P3H2: variants seen among roughly 807,000 people sequenced by gnomAD.
P3H2 encodes leprecan-like 1.
A neutral mutation model predicts 87.0 loss-of-function variants in P3H2; 80 were observed. The observed-to-expected ratio is 0.92, with a 90% CI of 0.77 to 1.11. The LOEUF (loss-of-function observed/expected upper bound fraction) is 1.11. Ranked by LOEUF, P3H2 falls within the 50% of genes least tolerant of loss-of-function variation. The pLI is 0.00. For synonymous variants in P3H2, 367 were observed against 359.3 expected (o/e 1.02, Z -0.24); for missense variants, 1,001 against 923.9 (o/e 1.08, Z -1.08).
chr3:190,002,399 T>C (rs1724243719), intron 1 of P3H2, among the ~76,000 whole-genome samples: 1 of 151,474 alleles, frequency 6.6e-6, no homozygotes, highest in Non-Finnish European at 1.5e-5. Flanking sequence ...TCTTTCTTTT[T>C]TCTTTTCTTT....
Position 190,095,303 on chromosome 3 carries a change from CATATATATATATATATAT to C in P3H2, c.480+24931_480+24948del, listed in dbSNP as rs57074960. Among the ~76,000 whole-genome samples the C allele has an allele frequency of 2.4e-3, 119 of 49,452 alleles. 1 individual carries two copies. The highest frequency in any genetic ancestry group is 3.7e-3 in the African/African-American group (41 of 11,142). 32.4% of individuals were successfully genotyped at this position (49,452 alleles called of 152,430 possible). On this transcript the variant is annotated intron_variant, in intron 1 of 14. Transcript: ENST00000319332. Reference sequence around the variant, plus strand: ...GTCTCAAAGACAAATTGTCTCAAAACATATATATATATATATATATATATATATATATATATATATATA... The same window carrying C: ...GTCTCAAAGACAAATTGTCTCAAAACATATATATATATATATATATATATA...
intron 1 of P3H2, among the ~76,000 whole-genome samples, chr3:190,046,066 T>G (rs1023376975): frequency 6.8e-6 from 1 of 148,074 alleles, no homozygotes; most frequent in Non-Finnish European, 1.5e-5. Context: ...GAGCTTGCAG[T>G]GAGCTGAGAT....
chr3:190,072,362 T>C (rs1261642533), intron 1 of P3H2, among the ~76,000 whole-genome samples: 2 of 152,192 alleles, frequency 1.3e-5, no homozygotes, highest in Non-Finnish European at 1.5e-5. Flanking sequence ...TTTAAGTCTC[T>C]TTTATTTAAA....
chr3:190,076,062 A>G (rs946395180), intron 1 of P3H2, among the ~76,000 whole-genome samples: 4 of 151,970 alleles, frequency 2.6e-5, no homozygotes, highest in Non-Finnish European at 5.9e-5. Context: ...CATTTCGTCT[A>G]TTTAGTTCAT....
chr3:190,014,327 G>A (rs1724685475), intron 1 of P3H2, among the ~76,000 whole-genome samples: 1 of 152,208 alleles, frequency 6.6e-6, no homozygotes, highest in Non-Finnish European at 1.5e-5. Context: ...AAGTAGATAG[G>A]TGATCCACAG....
At chr3:190,014,438 G>A (rs535859354) in intron 1 of P3H2, among the ~76,000 whole-genome samples, 1 of 152,322 alleles carries the variant, frequency 6.6e-6, no homozygotes, top group Admixed American at 6.5e-5. Context: ...ATAGGGTTTG[G>A]CAGCTTAAGG....
intron 1 of P3H2, among the ~76,000 whole-genome samples, chr3:190,057,630 C>A (rs1726200614): frequency 7.2e-6 from 1 of 138,506 alleles, no homozygotes; most frequent in Non-Finnish European, 1.6e-5. Context: ...AAGAAAAAAG[C>A]CATCACACTT....
Position 189,957,123 on chromosome 3 carries a change from C to T in P3H2, c.*789G>A. 2.5e-6 allele frequency: 1 copy of T among 398,584 alleles called. No homozygotes were observed. The highest frequency in any genetic ancestry group is 3.6e-5 in the East Asian group (1 of 28,054). The allele number at this position is 398,584 out of a possible 1,614,324, so 24.7% of individuals were successfully genotyped here. A position where few individuals can be genotyped will look rare whatever the true frequency, so the allele number is the denominator to read the frequency against. On this transcript the variant is annotated 3_prime_UTR_variant, in exon 15 of 15. Transcript: ENST00000319332. ...CAGAGCCAAAAATTCCACCAAGGCC[C>T]TGGAAAGACTGAAGTCCCCTCTGTC...
At chr3:190,043,724 CAAGT>C (rs1476226053) in intron 1 of P3H2, among the ~76,000 whole-genome samples, 1 of 152,140 alleles carries the variant, frequency 6.6e-6, no homozygotes, top group Non-Finnish European at 1.5e-5. Context: ...TGATATCAAT[CAAGT>C]GTTTATATAT....
intron 1 of P3H2, among the ~76,000 whole-genome samples, chr3:190,003,690 T>C (rs1724290864): frequency 6.6e-6 from 1 of 152,096 alleles, no homozygotes; most frequent in African/African-American, 2.4e-5. Flanking sequence ...CTGCCTCGGG[T>C]CGAATGAAGT....
chr3:190,001,009 C>T (rs573741197), intron 1 of P3H2, among the ~76,000 whole-genome samples: 1 of 152,296 alleles, frequency 6.6e-6, no homozygotes, highest in African/African-American at 2.4e-5. Flanking sequence ...AAGTCAGTTG[C>T]CTGTTTTACT....
At chr3:190,070,242 C>T (rs536290864) in intron 1 of P3H2, among the ~76,000 whole-genome samples, 31 of 152,062 alleles carry the variant, frequency 2.0e-4, no homozygotes, top group African/African-American at 6.3e-4. Context: ...TTATTATTTA[C>T]TATTGAGAGA....
chr3:189,988,136 A>G (rs1723764478), intron 4 of P3H2, among the ~76,000 whole-genome samples: 2 of 152,214 alleles, frequency 1.3e-5, no homozygotes, highest in Admixed American at 1.3e-4. Flanking sequence ...TGGTACTTCA[A>G]TGCAAAGTCC....
chr3:189,982,535 C>G (rs1723568437), intron 8 of P3H2, among the ~76,000 whole-genome samples: 1 of 152,138 alleles, frequency 6.6e-6, no homozygotes, highest in Non-Finnish European at 1.5e-5. Context: ...TTTCTTTTAA[C>G]CACTAGAATG....
chr3:190,000,444 T>C (rs1257142384), intron 1 of P3H2, among the ~76,000 whole-genome samples: 1 of 152,176 alleles, frequency 6.6e-6, no homozygotes, highest in African/African-American at 2.4e-5. Flanking sequence ...GACATTCTCA[T>C]AGAAGGGGAC....
intron 14 of P3H2, among the ~76,000 whole-genome samples, chr3:189,960,815 C>CT (rs1219365714): frequency 6.6e-6 from 1 of 152,076 alleles, no homozygotes; most frequent in Non-Finnish European, 1.5e-5. Flanking sequence ...CATGCAAGAG[C>CT]TTGTAATAAA....
chr3:190,028,658 C>G (rs1288393568), intron 1 of P3H2, among the ~76,000 whole-genome samples: 1 of 145,664 alleles, frequency 6.9e-6, no homozygotes, highest in African/African-American at 2.6e-5. Flanking sequence ...AATTAAAATT[C>G]TGTGCTTCTT....
At chr3:189,992,875 A>T (rs1723919729) in intron 3 of P3H2, among the ~76,000 whole-genome samples, 1 of 152,242 alleles carries the variant, frequency 6.6e-6, no homozygotes, top group African/African-American at 2.4e-5. Context: ...CTCTCTTTGA[A>T]TATGAAATAT....
rs1234705457 is a variant in P3H2, at chr3:189,971,883, GCTATAC to G, written c.1817+1_1817+6del. The stretch of plus-strand genomic sequence containing the variant: ...AAGCTTTGTTTTGAAGCAGGTTCTA[GCTATAC>G]CTATAGTCTCGAAATGTGTAAGCAG... On this transcript the variant is annotated splice_donor_variant and splice_donor_5th_base_variant and intron_variant, in intron 12 of 14. Transcript: ENST00000319332. LOFTEE classifies it high-confidence loss of function. 2 of 1,521,572 alleles carry G rather than the reference GCTATAC, an allele frequency of 1.3e-6. No individual in the cohort carries two copies. The highest frequency in any genetic ancestry group is 1.8e-6 in the Non-Finnish European group (2 of 1,095,488). The allele number at this position is 1,521,572 out of a possible 1,614,324, so 94.3% of individuals were successfully genotyped here. A position where few individuals can be genotyped will look rare whatever the true frequency, so the allele number is the denominator to read the frequency against.
Sources: allele counts gnomAD v4.1 joint callset (sites outside exome capture counted in the v4.1 genomes callset), GRCh38; gene constraint gnomAD v4.1.1; transcripts MANE v1.5; gene names NCBI Gene and HGNC (gene_info 2026-07-23, HGNC 2026-07-21).